Variants in MIR2052HG observed in about 807,000 individuals in gnomAD.
MIR2052HG encodes the protein MIR2052 host gene.
At chr8:74,618,155 A>G (rs998884777) in intron 2 of MIR2052HG, among the ~76,000 whole-genome samples, 1 of 152,170 alleles carries the variant, frequency 6.6e-6, no homozygotes, top group African/African-American at 2.4e-5. Context: ...CTATTTAGAA[A>G]CTTGCCTCAG....
chr8:74,603,086 T>C (rs1282644778), intron 1 of MIR2052HG, among the ~76,000 whole-genome samples: 1 of 144,364 alleles, frequency 6.9e-6, no homozygotes, highest in Non-Finnish European at 1.5e-5. Context: ...AAACTAAATA[T>C]GGATCTCAGC....
intron 2 of MIR2052HG, among the ~76,000 whole-genome samples, chr8:74,642,609 T>C (rs543805879): frequency 6.6e-6 from 1 of 152,294 alleles, no homozygotes; most frequent in Admixed American, 6.5e-5. Context: ...TGCTAACTGT[T>C]GGGAAATTGC....
At chr8:74,619,472 G>T (rs930630970) in intron 2 of MIR2052HG, among the ~76,000 whole-genome samples, 2 of 152,184 alleles carry the variant, frequency 1.3e-5, no homozygotes, top group Admixed American at 6.5e-5. Context: ...AAATATCTGA[G>T]TAATTTATAA....
At position 74,631,946 on chromosome 8, in the gene MIR2052HG, C is replaced by T. The variant is rs530839012; in HGVS notation, n.216+19006C>T. Among the ~76,000 whole-genome samples, 15 of 152,220 alleles carry T rather than the reference C, an allele frequency of 9.9e-5. No homozygotes were observed. The South Asian group carries it at 2.9e-3, about 30-fold the overall frequency. Reference sequence around the variant, plus strand: ...TGAGGCCCTCATGATTTAATAATTTCCCCAAAGATCCCACCTCTTAACACT... The same window carrying T: ...TGAGGCCCTCATGATTTAATAATTTTCCCAAAGATCCCACCTCTTAACACT... On this transcript the variant is annotated intron_variant and non_coding_transcript_variant, in intron 2 of 6. Transcript: ENST00000523442.
At chr8:74,725,934 G>GAATT (rs1305493599) in intron 4 of MIR2052HG, among the ~76,000 whole-genome samples, 6 of 152,176 alleles carry the variant, frequency 3.9e-5, no homozygotes, top group Admixed American at 3.9e-4. Flanking sequence ...TCCACATATA[G>GAATT]AATTAATGAT....
At chr8:74,685,933 C>A (rs983313290) in intron 2 of MIR2052HG, among the ~76,000 whole-genome samples, 27 of 152,080 alleles carry the variant, frequency 1.8e-4, no homozygotes, top group Non-Finnish European at 4.4e-5. Context: ...TAGAGACTTT[C>A]AAAAGCAGCT....
intron 2 of MIR2052HG, among the ~76,000 whole-genome samples, chr8:74,700,192 C>T (rs987147846): frequency 1.3e-5 from 2 of 152,126 alleles, no homozygotes; most frequent in Non-Finnish European, 2.9e-5. Context: ...ACATGCTGTG[C>T]TGTGTATATG....
At chr8:74,684,332 G>T (rs1259024523) in intron 2 of MIR2052HG, among the ~76,000 whole-genome samples, 1 of 151,958 alleles carries the variant, frequency 6.6e-6, no homozygotes, top group East Asian at 1.9e-4. Context: ...TCATAGGCAT[G>T]CAAAAAGCCA....
At chr8:74,724,499 A>G (rs1344011547) in intron 4 of MIR2052HG, among the ~76,000 whole-genome samples, 1 of 152,250 alleles carries the variant, frequency 6.6e-6, no homozygotes, top group East Asian at 1.9e-4. Context: ...AGAGAATAAC[A>G]GCACCATAAA....
At chr8:74,696,480 A>G (rs554392414) in intron 2 of MIR2052HG, among the ~76,000 whole-genome samples, 4 of 152,300 alleles carry the variant, frequency 2.6e-5, no homozygotes, top group African/African-American at 9.6e-5. Context: ...AGATCAAAGC[A>G]GAAGTAAATG....
At chr8:74,635,006 C>T (rs971004164) in intron 2 of MIR2052HG, among the ~76,000 whole-genome samples, 13 of 151,992 alleles carry the variant, frequency 8.6e-5, no homozygotes, top group Non-Finnish European at 1.5e-4. Context: ...TCTAATAATT[C>T]CATGAAGAAC....
intron 4 of MIR2052HG, among the ~76,000 whole-genome samples, chr8:74,748,079 T>C (rs559701239): frequency 1.3e-4 from 20 of 152,346 alleles, no homozygotes; most frequent in Admixed American, 9.2e-4. Flanking sequence ...TGGTTTCTGT[T>C]ATGAATTTTA....
chr8:74,657,654 G>A (rs1036032793), intron 2 of MIR2052HG, among the ~76,000 whole-genome samples: 5 of 152,198 alleles, frequency 3.3e-5, no homozygotes, highest in African/African-American at 1.2e-4. Context: ...GAAGGTGAAA[G>A]GCATGTCTCA....
At chr8:74,606,215 T>G (rs111892031) in intron 1 of MIR2052HG, among the ~76,000 whole-genome samples, 3,707 of 152,240 alleles carry the variant, frequency 0.024, 135 homozygotes, top group African/African-American at 0.08. Context: ...GGATATAGCT[T>G]GCCACAGTAT....
intron 4 of MIR2052HG, among the ~76,000 whole-genome samples, chr8:74,743,509 G>A (rs1010068113): frequency 6.6e-6 from 1 of 152,188 alleles, no homozygotes; most frequent in Non-Finnish European, 1.5e-5. Context: ...AGTGTAATCT[G>A]AGAGTCTTTC....
At chr8:74,716,842 T>G (rs1415517427) in intron 4 of MIR2052HG, among the ~76,000 whole-genome samples, 1 of 152,178 alleles carries the variant, frequency 6.6e-6, no homozygotes, top group African/African-American at 2.4e-5. Flanking sequence ...TATTTTGGAT[T>G]ATTTTATTAG....
chr8:74,627,891 A>T (rs1312476545), intron 2 of MIR2052HG, among the ~76,000 whole-genome samples: 1 of 152,194 alleles, frequency 6.6e-6, no homozygotes, highest in Non-Finnish European at 1.5e-5. Context: ...GATGTGGAGG[A>T]TCTAAAGGGC....
chr8:74,632,100 G>A (rs913739602), intron 2 of MIR2052HG, among the ~76,000 whole-genome samples: 2 of 152,144 alleles, frequency 1.3e-5, no homozygotes, highest in African/African-American at 4.8e-5. Context: ...GAGGATGAGA[G>A]CCCTCTAGCT....
At chr8:74,740,475 T>C (rs1301200529) in intron 4 of MIR2052HG, among the ~76,000 whole-genome samples, 1 of 152,068 alleles carries the variant, frequency 6.6e-6, no homozygotes, top group Non-Finnish European at 1.5e-5. Flanking sequence ...AAAAAAATTG[T>C]TTAACATTTG....
Sources: gnomAD v4.1 joint callset for allele counts (sites outside exome capture counted in the v4.1 genomes callset) on GRCh38, gnomAD v4.1.1 for gene constraint, MANE v1.5 for transcripts, NCBI Gene and HGNC (gene_info 2026-07-23, HGNC 2026-07-21) for gene names.